Variants in LYRM4 observed in about 807,000 individuals in gnomAD.
LYRM4 encodes the protein LYR motif-containing protein 4.
In LYRM4, 9 loss-of-function variants were observed where a neutral mutation model predicts 11.7. The observed-to-expected ratio is 0.77, with a 90% confidence interval of 0.46 to 1.34. LYRM4 has a LOEUF of 1.34. Among genes scored for constraint, LYRM4 ranks in the 40% most tolerant of loss-of-function variants. The probability of loss-of-function intolerance (pLI) is 0.00; values close to 1 mark genes in which losing one functional copy is unlikely to be tolerated. For synonymous variants in LYRM4, 42 were observed against 40.4 expected, an observed-to-expected ratio of 1.04 and a Z score of -0.15; for missense variants, 133 against 112.5, an observed-to-expected ratio of 1.18 and a Z score of -0.82.
the LYRM4 span, among the ~76,000 whole-genome samples, chr6:5,048,770 G>C: frequency 5.3e-5 from 8 of 152,330 alleles, no homozygotes; most frequent in South Asian, 1.4e-3. Context: ...GGTAGGTGTA[G>C]CCAAGTAGTA....
the LYRM4 span, among the ~76,000 whole-genome samples, chr6:5,048,620 G>T: frequency 6.6e-6 from 1 of 152,144 alleles, no homozygotes; most frequent in Non-Finnish European, 1.5e-5. Context: ...TTACAGGTGT[G>T]AGTCAACATG....
chr6:5,084,275 A>C, the LYRM4 span, among the ~76,000 whole-genome samples: 72 of 152,082 alleles, frequency 4.7e-4, no homozygotes, highest in Non-Finnish European at 8.1e-4. Flanking sequence ...CCCAATCCCT[A>C]GGTACCACGA....
intron 2 of LYRM4, among the ~76,000 whole-genome samples, chr6:5,118,890 G>A (rs1014065640): frequency 8.5e-5 from 13 of 152,150 alleles, no homozygotes; most frequent in African/African-American, 2.9e-4. Flanking sequence ...CAGCAGGCTT[G>A]TTTTTCAAAA....
At chr6:5,040,212 C>G in the LYRM4 span, among the ~76,000 whole-genome samples, 110,904 of 151,750 alleles carry the variant, frequency 0.73, 41,278 homozygotes, top group East Asian at 0.95. Context: ...CCAGCTACTT[C>G]GGAGGCTGGG....
chr6:5,070,207 C>T, the LYRM4 span, among the ~76,000 whole-genome samples: 1 of 152,152 alleles, frequency 6.6e-6, no homozygotes, highest in Non-Finnish European at 1.5e-5. Context: ...CAGACCAAGC[C>T]TCCAAAGCCA....
the LYRM4 span, among the ~76,000 whole-genome samples, chr6:5,053,586 C>A: frequency 6.6e-6 from 1 of 151,632 alleles, no homozygotes; most frequent in Non-Finnish European, 1.5e-5. Flanking sequence ...TATAATCCTG[C>A]CATTGCACTC....
chr6:5,260,816 A>G lies in LYRM4; in HGVS notation c.-83T>C. 6.5e-7 allele frequency: 1 copy of G among 1,527,662 alleles called. No homozygotes were observed. The highest frequency in any genetic ancestry group is 8.7e-7 in the Non-Finnish European group (1 of 1,143,748). 94.6% of individuals were successfully genotyped at this position (1,527,662 alleles called of 1,614,324 possible). ...ACCCACGAAACTCCAGCCTGTGCGG[A>G]AACCACGAACGAAATAAAATGCTGC... is the stretch of plus-strand genomic sequence containing the variant. On this transcript the variant is annotated 5_prime_UTR_variant, in exon 1 of 3. Coordinates refer to ENST00000330636, the MANE Select transcript of LYRM4 (RefSeq NM_020408.6).
intron 1 of LYRM4, among the ~76,000 whole-genome samples, chr6:5,250,852 T>C (rs528684249): frequency 1.3e-5 from 2 of 152,366 alleles, no homozygotes; most frequent in African/African-American, 2.4e-5. Context: ...TTTACAGACA[T>C]GTATGATGTG....
the LYRM4 span, among the ~76,000 whole-genome samples, chr6:5,062,591 A>G: frequency 6.6e-6 from 1 of 152,178 alleles, no homozygotes; most frequent in Non-Finnish European, 1.5e-5. Context: ...GGATGGTATC[A>G]CCGAGGCAGC....
chr6:5,092,672 C>T, the LYRM4 span, among the ~76,000 whole-genome samples: 6 of 152,106 alleles, frequency 3.9e-5, 1 homozygote, highest in East Asian at 1.9e-4. Context: ...GAGCCGAGAT[C>T]GTGCCACTGC....
the LYRM4 span, among the ~76,000 whole-genome samples, chr6:5,095,689 G>A: frequency 6.6e-6 from 1 of 152,178 alleles, no homozygotes; most frequent in Admixed American, 6.5e-5. Context: ...TAAAAACCCT[G>A]AGTATTGGCT....
At chr6:5,224,508 C>CTT (rs1326420826) in intron 1 of LYRM4, among the ~76,000 whole-genome samples, 5 of 152,126 alleles carry the variant, frequency 3.3e-5, no homozygotes, top group Admixed American at 3.3e-4. Context: ...CCCAGTAATC[C>CTT]TACTTTTAGG....
chr6:5,189,273 GCCTAAGGTTAGTGC>G, intron 2 of LYRM4, among the ~76,000 whole-genome samples: 1 of 149,118 alleles, frequency 6.7e-6, no homozygotes, highest in Admixed American at 6.6e-5. Flanking sequence ...TTAGTGGTTA[GCCTAAGGTTAGTGC>G]TTAGCCTAAG....
chr6:5,052,543 C>G, the LYRM4 span, among the ~76,000 whole-genome samples: 1 of 152,166 alleles, frequency 6.6e-6, no homozygotes, highest in Non-Finnish European at 1.5e-5. Flanking sequence ...ATTGTCCTGC[C>G]TTGGCCTCCC....
intron 1 of LYRM4, among the ~76,000 whole-genome samples, chr6:5,258,924 T>C (rs2127786413): frequency 6.6e-6 from 1 of 152,346 alleles, no homozygotes; most frequent in Admixed American, 6.5e-5. Context: ...ATTTTCCTGT[T>C]CAGTTGGCAA....
intron 2 of LYRM4, among the ~76,000 whole-genome samples, chr6:5,129,013 G>A (rs1461566131): frequency 1.3e-5 from 2 of 152,188 alleles, no homozygotes; most frequent in African/African-American, 4.8e-5. Flanking sequence ...TCCCCCAAAG[G>A]ACTTCTCTCC....
At chr6:5,066,299 T>A in the LYRM4 span, 18 of 720,454 alleles carry the variant, frequency 2.5e-5, no homozygotes, top group Admixed American at 2.6e-4. Flanking sequence ...TTTTTACCAA[T>A]AAACATATTT....
chr6:5,206,073 T>G (rs1418657795), intron 2 of LYRM4, among the ~76,000 whole-genome samples: 5 of 152,212 alleles, frequency 3.3e-5, no homozygotes, highest in African/African-American at 4.8e-5. Context: ...TGCTGGGAGA[T>G]CTGGGCAGTC....
intron 2 of LYRM4, among the ~76,000 whole-genome samples, chr6:5,177,148 T>C (rs1347547096): frequency 1.3e-5 from 2 of 152,208 alleles, no homozygotes; most frequent in African/African-American, 4.8e-5. Context: ...CAAGGCCTCC[T>C]GTGTCTTCCC....
Sources: allele counts gnomAD v4.1 joint callset (sites outside exome capture counted in the v4.1 genomes callset), GRCh38; gene constraint gnomAD v4.1.1; transcripts MANE v1.5; gene names NCBI Gene and HGNC (gene_info 2026-07-23, HGNC 2026-07-21).